LRCH3: variants seen among roughly 807,000 people sequenced by gnomAD.
The protein encoded by LRCH3 is leucine rich repeats and calponin homology domain containing 3.
LRCH3 carries 68 observed loss-of-function variants against 104.5 expected under a neutral mutation model. That is an observed-to-expected ratio of 0.65 (90% CI 0.54 to 0.80). LRCH3 has a LOEUF of 0.80. LRCH3 is among the 30% of genes least tolerant of loss of function. The pLI is 0.00. For synonymous variants in LRCH3, 344 were observed against 361.3 expected (o/e 0.95, Z 0.54); for missense variants, 951 against 953.9 (o/e 1.00, Z 0.04).
intron 3 of LRCH3, 56 bp downstream of exon 3, chr3:197,817,358 G>GTATA: frequency 8.3e-6 from 1 of 120,100 alleles, no homozygotes. Flanking sequence ...GTGTGTGTGT[G>GTATA]TGTATATATA....
At position 197,839,420 on chromosome 3, in the gene LRCH3, A is replaced by C. The variant is rs554909979; in HGVS notation, c.1328+23A>C. 14 of 1,444,586 alleles carry C rather than the reference A, an allele frequency of 9.7e-6. No individual in the cohort carries two copies. The Middle Eastern group carries it at 2.2e-3, about 227-fold the overall frequency. 89.5% of individuals were successfully genotyped at this position (1,444,586 alleles called of 1,614,324 possible). A position where few individuals can be genotyped will look rare whatever the true frequency, so the allele number is the denominator to read the frequency against. On this transcript the variant is annotated intron_variant, in intron 10 of 20. Transcript: ENST00000425562. Reference sequence around the variant, plus strand: ...CAGGTTTGAAAAACCAATTCTACTTAATTTGTTTCTGTCTTAATCATGAGA... The same window carrying C: ...CAGGTTTGAAAAACCAATTCTACTTCATTTGTTTCTGTCTTAATCATGAGA...
intron 8 of LRCH3, 139 bp from the exon 9 acceptor site, chr3:197,835,535 A>T: frequency 8.8e-5 from 85 of 962,642 alleles, no homozygotes; most frequent in Non-Finnish European, 1.1e-4. Context: ...AGTAATTTAA[A>T]GTTTTTATCA....
chr3:197,872,360 G>GAAAA (rs56254857), intron 19 of LRCH3, among the ~76,000 whole-genome samples: 2 of 105,382 alleles, frequency 1.9e-5, no homozygotes, highest in African/African-American at 3.5e-5. Flanking sequence ...CTGTCTCAAA[G>GAAAA]AAAAAAAAAA....
chr3:197,859,449 A>G (rs1300671058), intron 15 of LRCH3: 1 of 153,488 alleles, frequency 6.5e-6, no homozygotes, highest in Non-Finnish European at 1.5e-5. Flanking sequence ...AGCCTAAAAT[A>G]TGTACAGTCT....
At chr3:197,851,908 C>T (rs1163905806) in intron 12 of LRCH3, among the ~76,000 whole-genome samples, 1 of 152,174 alleles carries the variant, frequency 6.6e-6, no homozygotes, top group African/African-American at 2.4e-5. Flanking sequence ...GCTTTGCAGT[C>T]GGAAGGCAGG....
At chr3:197,809,768 TTTGTTG>T (rs201594413) in intron 1 of LRCH3, among the ~76,000 whole-genome samples, 1 of 152,082 alleles carries the variant, frequency 6.6e-6, no homozygotes, top group Non-Finnish European at 1.5e-5. Context: ...CCTTCTGTTT[TTTGTTG>T]TTGTTGTTGT....
At chr3:197,847,746 A>G (rs1738963260) in intron 11 of LRCH3, 126 bp from the exon 12 acceptor site, 2 of 381,396 alleles carry the variant, frequency 5.2e-6, no homozygotes, top group Non-Finnish European at 6.8e-6. Context: ...ACACATTTCA[A>G]GCAATGCTAG....
At chr3:197,812,544 C>T (rs1357821474) in intron 1 of LRCH3, among the ~76,000 whole-genome samples, 1 of 52,130 alleles carries the variant, frequency 1.9e-5, no homozygotes, top group African/African-American at 6.0e-5. Context: ...TGGAGTCTCA[C>T]TCTGTCGCCC....
At chr3:197,881,393 A>G (rs1560066595) in intron 20 of LRCH3, 2 of 986,352 alleles carry the variant, frequency 2.0e-6, no homozygotes, top group East Asian at 1.1e-4. Context: ...AGCCCAGTCT[A>G]TACGCTGTAT....
intron 13 of LRCH3, among the ~76,000 whole-genome samples, chr3:197,853,676 G>A (rs1322077538): frequency 6.6e-6 from 1 of 152,162 alleles, no homozygotes; most frequent in East Asian, 1.9e-4. Flanking sequence ...TGTATTGTTT[G>A]AAATGTTTTC....
chr3:197,814,433 G>A (rs1054231946), intron 1 of LRCH3, among the ~76,000 whole-genome samples: 5 of 152,188 alleles, frequency 3.3e-5, no homozygotes, highest in African/African-American at 1.2e-4. Flanking sequence ...CAGGCAAACC[G>A]TATCACCAGT....
At chr3:197,812,652 C>G (rs1214562944) in intron 1 of LRCH3, among the ~76,000 whole-genome samples, 4 of 151,858 alleles carry the variant, frequency 2.6e-5, no homozygotes, top group Admixed American at 2.6e-4. Context: ...CAAACAGCCT[C>G]CTGGGTTCAA....
At position 197,854,608 on chromosome 3, in the gene LRCH3, T is replaced by C. The variant is rs1046522792; in HGVS notation, c.1644+163T>C. Among the ~76,000 whole-genome samples the C allele has an allele frequency of 6.6e-6, 1 of 152,234 alleles. No individual in the cohort carries two copies. Among genetic ancestry groups the C allele is most frequent in the Non-Finnish European group, 1.5e-5 (1 of 68,044 alleles). On this transcript the variant is annotated intron_variant, in intron 14 of 20. Transcript: ENST00000425562. The surrounding 1 kb of genome is among the most constrained non-coding windows in gnomAD (Gnocchi z 4.5). ...ACATGACCATTTGTGATTGACCCAG[T>C]GTTTCAAAGTTCTGCAGCTCATATC...
At chr3:197,796,689 G>A (rs1287153315) in intron 1 of LRCH3, among the ~76,000 whole-genome samples, 2 of 152,098 alleles carry the variant, frequency 1.3e-5, no homozygotes, top group East Asian at 1.9e-4. Flanking sequence ...CCCATTTTAC[G>A]TGTGAGAAAA....
chr3:197,817,143 C>CT, intron 2 of LRCH3, 33 bp from the exon 3 acceptor site: 1 of 1,573,376 alleles, frequency 6.4e-7, no homozygotes, highest in Non-Finnish European at 8.6e-7. Context: ...GTGGTGGACT[C>CT]TGATTCTTCT....
chr3:197,869,342 G>A (rs9860944), intron 17 of LRCH3, among the ~76,000 whole-genome samples: 44,396 of 110,168 alleles, frequency 0.4, 9,987 homozygotes, highest in African/African-American at 0.69. Flanking sequence ...GTAGAAAGCG[G>A]TGCACTGTAC....
At chr3:197,848,175 C>G in intron 12 of LRCH3, 154 bp downstream of exon 12, 1 of 674,228 alleles carries the variant, frequency 1.5e-6, no homozygotes, top group East Asian at 2.8e-5. Flanking sequence ...TTACTTGTGT[C>G]TATCTGCATG....
At chr3:197,807,921 A>G in intron 1 of LRCH3, among the ~76,000 whole-genome samples, 1 of 152,320 alleles carries the variant, frequency 6.6e-6, no homozygotes, top group Middle Eastern at 3.4e-3. Context: ...TTCTCTATAA[A>G]TATTTAGAAT....
chr3:197,792,596 T>TAAA (rs1730701023), intron 1 of LRCH3, among the ~76,000 whole-genome samples: 9 of 75,042 alleles, frequency 1.2e-4, no homozygotes, highest in African/African-American at 3.9e-4. Context: ...TATATATATA[T>TAAA]ATATATATAA....
Sources: allele counts gnomAD v4.1 joint callset (sites outside exome capture counted in the v4.1 genomes callset), GRCh38; gene constraint gnomAD v4.1.1; non-coding constraint Gnocchi (gnomAD v3.1); transcripts MANE v1.5; gene names NCBI Gene and HGNC (gene_info 2026-07-23, HGNC 2026-07-21).